SULT1E1: variants seen among roughly 807,000 people sequenced by gnomAD.
SULT1E1 encodes the protein sulfotransferase family 1E member 1.
A neutral mutation model predicts 33.6 loss-of-function variants in SULT1E1; 36 were observed. The ratio of observed to expected loss-of-function variants is 1.07; its 90% CI spans 0.82 to 1.41. SULT1E1 has a LOEUF of 1.41. Among genes scored for constraint, SULT1E1 ranks in the 40% most tolerant of loss-of-function variants. The pLI is 0.00. For synonymous variants in SULT1E1, 121 were observed against 111.7 expected, an observed-to-expected ratio of 1.08 and a Z score of -0.53; for missense variants, 371 against 345.7, an observed-to-expected ratio of 1.07 and a Z score of -0.58.
At chr4:69,822,691 A>G in the SULT1E1 span, among the ~76,000 whole-genome samples, 1 of 152,088 alleles carries the variant, frequency 6.6e-6, no homozygotes, top group Non-Finnish European at 1.5e-5. Flanking sequence ...AATCACTTTT[A>G]TTCATCCCCA....
At chr4:69,850,720 T>C (rs1721083675) in intron 4 of SULT1E1, among the ~76,000 whole-genome samples, 1 of 152,096 alleles carries the variant, frequency 6.6e-6, no homozygotes. Flanking sequence ...TTCTAGTCTG[T>C]CTTTCTTGAA....
downstream of SULT1E1, among the ~76,000 whole-genome samples, chr4:69,837,721 G>A (rs966713964): frequency 1.3e-5 from 2 of 152,038 alleles, no homozygotes; most frequent in African/African-American, 4.8e-5. Flanking sequence ...AGTAGAGATG[G>A]GGTCTCACTA....
intron 4 of SULT1E1, among the ~76,000 whole-genome samples, chr4:69,850,617 C>A (rs562683767): frequency 6.6e-6 from 1 of 151,978 alleles, no homozygotes; most frequent in South Asian, 2.1e-4. Flanking sequence ...TACTTATAAC[C>A]CTTCCTAGTT....
Position 69,841,311 on chromosome 4 carries a change from T to TA in SULT1E1, c.*682dup, listed in dbSNP as rs1016626489. The TA allele has an allele frequency of 2.6e-5, 4 of 151,692 alleles. No homozygotes were observed. Among genetic ancestry groups the TA allele is most frequent in the South Asian group, 2.1e-4 (1 of 4,818 alleles). 9.4% of individuals were successfully genotyped at this position (151,692 alleles called of 1,614,324 possible). Reference sequence around the variant, plus strand: ...AGGTTATAGTTGTGCATGATATTTATAAAAAATAGAAAAGAAGAAGAGGAA... The same window carrying TA: ...AGGTTATAGTTGTGCATGATATTTATAAAAAAATAGAAAAGAAGAAGAGGAA... On this transcript the variant is annotated 3_prime_UTR_variant, in exon 8 of 8. Transcript: ENST00000226444.
intron 4 of SULT1E1, among the ~76,000 whole-genome samples, chr4:69,849,946 A>G (rs1307267789): frequency 6.6e-6 from 1 of 152,030 alleles, no homozygotes; most frequent in Non-Finnish European, 1.5e-5. Context: ...AATCAATGAG[A>G]GTAAACCATT....
At chr4:69,834,663 G>A in the SULT1E1 span, among the ~76,000 whole-genome samples, 1 of 152,046 alleles carries the variant, frequency 6.6e-6, no homozygotes, top group African/African-American at 2.4e-5. Flanking sequence ...CCTCTGAAGT[G>A]CTTAAAAAAA....
At chr4:69,852,466 C>T (rs1411120605) in intron 4 of SULT1E1, among the ~76,000 whole-genome samples, 1 of 152,034 alleles carries the variant, frequency 6.6e-6, no homozygotes, top group African/African-American at 2.4e-5. Context: ...TCTTTTCTTC[C>T]AAAAAATCCC....
chr4:69,831,684 C>T, the SULT1E1 span, among the ~76,000 whole-genome samples: 42 of 152,298 alleles, frequency 2.8e-4, no homozygotes, highest in Non-Finnish European at 4.1e-4. Context: ...TGCACTCGCT[C>T]TTTCTTTTCT....
At chr4:69,826,065 A>T in the SULT1E1 span, among the ~76,000 whole-genome samples, 1,854 of 152,276 alleles carry the variant, frequency 0.012, 51 homozygotes, top group African/African-American at 0.042. Flanking sequence ...TCAGACAAGC[A>T]GGCCTAACAA....
At chr4:69,850,022 TA>T (rs998542399) in intron 4 of SULT1E1, among the ~76,000 whole-genome samples, 83 of 150,428 alleles carry the variant, frequency 5.5e-4, no homozygotes, top group East Asian at 1.4e-3. Flanking sequence ...TCCACATAAT[TA>T]AAAAAAAATA....
At chr4:69,845,004 C>T (rs759024675) in intron 6 of SULT1E1, among the ~76,000 whole-genome samples, 4 of 152,010 alleles carry the variant, frequency 2.6e-5, no homozygotes, top group South Asian at 2.1e-4. Flanking sequence ...TTTGCCTTTT[C>T]GATTTCAGCT....
At chr4:69,822,627 C>T in the SULT1E1 span, among the ~76,000 whole-genome samples, 1 of 152,114 alleles carries the variant, frequency 6.6e-6, no homozygotes, top group African/African-American at 2.4e-5. Context: ...AAGAATTACT[C>T]TAGGTTCTGT....
At chr4:69,821,419 G>A in the SULT1E1 span, among the ~76,000 whole-genome samples, 1 of 152,082 alleles carries the variant, frequency 6.6e-6, no homozygotes, top group Non-Finnish European at 1.5e-5. Flanking sequence ...AATTTGATTG[G>A]CATAAAACAT....
At chr4:69,858,709 C>G (rs1406456127) in intron 1 of SULT1E1, among the ~76,000 whole-genome samples, 1 of 152,124 alleles carries the variant, frequency 6.6e-6, no homozygotes, top group Non-Finnish European at 1.5e-5. Context: ...TATGAGATTT[C>G]TATTTCCAAA....
intron 4 of SULT1E1, among the ~76,000 whole-genome samples, chr4:69,852,060 A>C (rs1721126936): frequency 6.6e-6 from 1 of 152,134 alleles, no homozygotes; most frequent in Non-Finnish European, 1.5e-5. Context: ...CCAACATGGC[A>C]CATGTATACA....
At chr4:69,826,548 G>A in the SULT1E1 span, among the ~76,000 whole-genome samples, 3 of 152,068 alleles carry the variant, frequency 2.0e-5, no homozygotes, top group Admixed American at 2.0e-4. Flanking sequence ...AAAACCACAG[G>A]TGGTTTTTTC....
At chr4:69,822,753 A>T in the SULT1E1 span, among the ~76,000 whole-genome samples, 2 of 152,174 alleles carry the variant, frequency 1.3e-5, no homozygotes, top group Non-Finnish European at 2.9e-5. Flanking sequence ...CTAGACCCTA[A>T]GTTATTTGAA....
the SULT1E1 span, among the ~76,000 whole-genome samples, chr4:69,822,750 C>T: frequency 2.0e-5 from 3 of 152,108 alleles, no homozygotes; most frequent in Admixed American, 6.6e-5. Flanking sequence ...TTTCTAGACC[C>T]TAAGTTATTT....
downstream of SULT1E1, among the ~76,000 whole-genome samples, chr4:69,839,395 G>T (rs73826889): frequency 7.0e-3 from 1,061 of 152,120 alleles, 25 homozygotes; most frequent in African/African-American, 0.024. Context: ...CCCACTCCTG[G>T]GATAGTGACA....
Sources: allele counts gnomAD v4.1 joint callset (sites outside exome capture counted in the v4.1 genomes callset), GRCh38; gene constraint gnomAD v4.1.1; transcripts MANE v1.5; gene names NCBI Gene and HGNC (gene_info 2026-07-23, HGNC 2026-07-21).